The following HYAL4 variants were observed in gnomAD, a reference collection of about 807,000 sequenced individuals.
The protein encoded by HYAL4 is hyaluronidase-4.
Under a neutral mutation model 35.2 loss-of-function variants are expected in HYAL4, and 37 were observed. The ratio of observed to expected loss-of-function variants is 1.05; its 90% CI spans 0.81 to 1.38. The LOEUF (loss-of-function observed/expected upper bound fraction) is 1.38, where lower values mean the gene tolerates loss of function less well. HYAL4 is among the 40% of genes most tolerant of loss of function. The pLI is 0.00. For synonymous variants in HYAL4, 198 were observed against 203.2 expected (o/e 0.97, Z 0.22); for missense variants, 572 against 572.4 (o/e 1.00, Z 0.01).
At chr7:123,780,107 G>A in the HYAL4 span, among the ~76,000 whole-genome samples, 1 of 152,114 alleles carries the variant, frequency 6.6e-6, no homozygotes, top group South Asian at 2.1e-4. Flanking sequence ...TGTAATAACA[G>A]TAATAATAAT....
chr7:123,764,124 A>C, the HYAL4 span, among the ~76,000 whole-genome samples: 1 of 152,200 alleles, frequency 6.6e-6, no homozygotes, highest in Non-Finnish European at 1.5e-5. Context: ...CTGGGACTAC[A>C]GGAGCGCATC....
chr7:123,798,382 T>C, the HYAL4 span, among the ~76,000 whole-genome samples: 9 of 152,096 alleles, frequency 5.9e-5, no homozygotes, highest in Non-Finnish European at 1.3e-4. Flanking sequence ...AAACACTGCT[T>C]CATTTAAAGA....
chr7:123,848,018 T>G (rs986512655), intron 1 of HYAL4, 71 bp from the exon 2 acceptor site: 1 of 152,600 alleles, frequency 6.6e-6, no homozygotes, highest in African/African-American at 2.4e-5. Flanking sequence ...AGAGATTTAA[T>G]GCAAGCCTCC....
At chr7:123,816,148 C>G in the HYAL4 span, among the ~76,000 whole-genome samples, 3 of 152,080 alleles carry the variant, frequency 2.0e-5, no homozygotes, top group Non-Finnish European at 4.4e-5. Context: ...GGGAAACTGC[C>G]ATTTGGGGGA....
chr7:123,855,944 CA>C (rs1162297243), intron 2 of HYAL4, among the ~76,000 whole-genome samples: 2 of 151,702 alleles, frequency 1.3e-5, no homozygotes, highest in African/African-American at 4.8e-5. Flanking sequence ...TTATTTCATT[CA>C]GTTGATCTTC....
chr7:123,854,947 G>A lies in HYAL4; in HGVS notation c.-52+6789G>A, dbSNP rs577843484. On this transcript the variant is annotated intron_variant, in intron 2 of 4. Coordinates refer to ENST00000223026, the MANE Select transcript of HYAL4 (RefSeq NM_012269.3). ...ATATTTAGGACAGTTAGCTCTTCTT[G>A]TTGAATTGATCCCTTTACCATTATG... is the stretch of plus-strand genomic sequence containing the variant. Among the ~76,000 whole-genome samples the A allele has an allele frequency of 2.0e-4, 30 of 152,262 alleles. No individual in the cohort carries two copies. In the South Asian group the frequency reaches 6.2e-3, roughly 32 times the overall value.
chr7:123,778,167 A>ATCTG, the HYAL4 span, among the ~76,000 whole-genome samples: 2 of 118,106 alleles, frequency 1.7e-5, no homozygotes, highest in Non-Finnish European at 3.4e-5. Flanking sequence ...CTGTCTATCT[A>ATCTG]TCTATCTATC....
At chr7:123,786,023 G>A in the HYAL4 span, among the ~76,000 whole-genome samples, 12 of 152,212 alleles carry the variant, frequency 7.9e-5, no homozygotes, top group East Asian at 1.5e-3. Context: ...TTTTCTGAGC[G>A]TTCTTGCACA....
chr7:123,801,653 A>G, the HYAL4 span, among the ~76,000 whole-genome samples: 1 of 152,280 alleles, frequency 6.6e-6, no homozygotes, highest in South Asian at 2.1e-4. Flanking sequence ...ATTTTATTTC[A>G]TGTTTGATTT....
chr7:123,862,135 C>T (rs562064021), intron 2 of HYAL4, among the ~76,000 whole-genome samples: 2 of 152,200 alleles, frequency 1.3e-5, no homozygotes, highest in South Asian at 2.1e-4. Flanking sequence ...ATTAGTTCTG[C>T]GAAATTGAGC....
the HYAL4 span, among the ~76,000 whole-genome samples, chr7:123,792,739 T>C: frequency 6.6e-6 from 1 of 152,180 alleles, no homozygotes; most frequent in African/African-American, 2.4e-5. Flanking sequence ...TAGAGTCTCA[T>C]GATCAGAGAC....
the HYAL4 span, among the ~76,000 whole-genome samples, chr7:123,822,801 G>A: frequency 6.6e-6 from 1 of 151,946 alleles, no homozygotes; most frequent in African/African-American, 2.4e-5. Context: ...TCTACAAAAG[G>A]TAAAAAAGAA....
intron 1 of HYAL4, among the ~76,000 whole-genome samples, chr7:123,846,539 C>T (rs1806178002): frequency 6.6e-6 from 1 of 152,090 alleles, no homozygotes; most frequent in South Asian, 2.1e-4. Flanking sequence ...AGTGGGCAAG[C>T]AAGACTGAGA....
chr7:123,791,478 G>A, the HYAL4 span, among the ~76,000 whole-genome samples: 1 of 152,150 alleles, frequency 6.6e-6, no homozygotes, highest in African/African-American at 2.4e-5. Context: ...TAACTTATCA[G>A]GGTCAATGAT....
At chr7:123,856,101 A>T (rs182963134) in intron 2 of HYAL4, among the ~76,000 whole-genome samples, 6 of 152,100 alleles carry the variant, frequency 3.9e-5, no homozygotes, top group East Asian at 3.9e-4. Context: ...CAGTTCCTGT[A>T]ACCTTTTATC....
the HYAL4 span, among the ~76,000 whole-genome samples, chr7:123,783,228 A>G: frequency 1.3e-5 from 2 of 152,212 alleles, no homozygotes; most frequent in Non-Finnish European, 2.9e-5. Flanking sequence ...TAATGCAAAG[A>G]TGAATCAGAC....
At chr7:123,774,033 T>C in the HYAL4 span, among the ~76,000 whole-genome samples, 1 of 152,162 alleles carries the variant, frequency 6.6e-6, no homozygotes, top group Non-Finnish European at 1.5e-5. Context: ...TTATTTTTGT[T>C]TTTTCAGAGG....
At chr7:123,846,110 A>G (rs543864879) in intron 1 of HYAL4, among the ~76,000 whole-genome samples, 2 of 152,316 alleles carry the variant, frequency 1.3e-5, no homozygotes, top group African/African-American at 2.4e-5. Context: ...TTAATGCACT[A>G]TTTTTGTATT....
the HYAL4 span, among the ~76,000 whole-genome samples, chr7:123,796,494 C>A: frequency 2.1e-3 from 319 of 152,268 alleles, 1 homozygote; most frequent in African/African-American, 7.2e-3. Context: ...TTGCCCAAGA[C>A]AACAGAGCAA....
Sources: gnomAD v4.1 joint callset for allele counts (sites outside exome capture counted in the v4.1 genomes callset) on GRCh38, gnomAD v4.1.1 for gene constraint, MANE v1.5 for transcripts, NCBI Gene and HGNC (gene_info 2026-07-23, HGNC 2026-07-21) for gene names.